The following KANK1 variants were observed in gnomAD, a reference collection of about 807,000 sequenced individuals.
The protein encoded by KANK1 is KN motif and ankyrin repeat domains 1, also known as KN motif and ankyrin repeat domain-containing protein 1.
In KANK1, 109 loss-of-function variants were observed where a neutral mutation model predicts 106.2. The ratio of observed to expected loss-of-function variants is 1.03; its 90% CI spans 0.88 to 1.20. The LOEUF (loss-of-function observed/expected upper bound fraction) is 1.20, where lower values mean the gene tolerates loss of function less well. Ranked by LOEUF, KANK1 falls within the 50% of genes most tolerant of loss-of-function variation. The probability of loss-of-function intolerance (pLI) is 0.00; values close to 1 mark genes in which losing one functional copy is unlikely to be tolerated. For synonymous variants in KANK1, 873 were observed against 652.2 expected (o/e 1.34, Z -5.16); for missense variants, 2,399 against 1,710.7 (o/e 1.40, Z -7.10).
chr9:507,773 G>T (rs960023319), intron 1 of KANK1, among the ~76,000 whole-genome samples: 3 of 152,068 alleles, frequency 2.0e-5, no homozygotes, highest in African/African-American at 7.2e-5. Context: ...GGCCAGGATG[G>T]TCTCAATCTC....
rs1374461484 is a variant in KANK1 at position 587,588 on chromosome 9, T to C, written c.-84+82834T>C. ...AATGTTAAAATTGTACTATATTATT[T>C]TCCAAGTTTTTAGAATATGTGCATG... On this transcript the variant is annotated intron_variant, in intron 1 of 11. Transcript: ENST00000382297. Among the ~76,000 whole-genome samples the C allele has an allele frequency of 2.0e-5, 3 of 152,220 alleles. No individual in the cohort carries two copies. The East Asian group carries it at 5.8e-4, about 29-fold the overall frequency.
chr9:631,910 C>T (rs1264736832), intron 1 of KANK1, among the ~76,000 whole-genome samples: 3 of 152,140 alleles, frequency 2.0e-5, no homozygotes, highest in African/African-American at 7.2e-5. Flanking sequence ...GGTTATCTAC[C>T]GCTGTGGCTC....
At chr9:479,481 A>C (rs543844928) in intron 3 of KANK1, among the ~76,000 whole-genome samples, 24 of 151,926 alleles carry the variant, frequency 1.6e-4, no homozygotes, top group African/African-American at 5.8e-4. Flanking sequence ...GGTCATTTTC[A>C]TTAGCCACAT....
chr9:735,130 G>A (rs749829254), intron 7 of KANK1, among the ~76,000 whole-genome samples: 1 of 152,148 alleles, frequency 6.6e-6, no homozygotes, highest in Non-Finnish European at 1.5e-5. Flanking sequence ...GCAGTCAGTC[G>A]TCATCTTTCT....
chr9:739,415 T>G (rs1168052152), intron 8 of KANK1, among the ~76,000 whole-genome samples: 2 of 152,208 alleles, frequency 1.3e-5, no homozygotes, highest in Non-Finnish European at 2.9e-5. Context: ...TTTTGGGAAC[T>G]TGGAATTGAT....
chr9:505,683 G>C (rs13294486), intron 1 of KANK1, among the ~76,000 whole-genome samples: 2 of 152,332 alleles, frequency 1.3e-5, no homozygotes, highest in East Asian at 3.9e-4. Flanking sequence ...AACAATTTAT[G>C]GCGTCCGCCA....
intron 1 of KANK1, among the ~76,000 whole-genome samples, chr9:635,580 C>T (rs1461830070): frequency 6.6e-6 from 1 of 151,966 alleles, no homozygotes; most frequent in Non-Finnish European, 1.5e-5. Flanking sequence ...AATAGTGTTC[C>T]CTTTTTATTA....
chr9:656,277 G>A (rs1842123656), intron 1 of KANK1, among the ~76,000 whole-genome samples: 1 of 152,208 alleles, frequency 6.6e-6, no homozygotes, highest in African/African-American at 2.4e-5. Flanking sequence ...GAGAGGGAGA[G>A]ACAAGACCTT....
chr9:706,765 G>A, intron 2 of KANK1: 1 of 985,408 alleles, frequency 1.0e-6, no homozygotes. Flanking sequence ...GAACCAGTGA[G>A]TGCTGCCCGG....
intron 11 of KANK1, chr9:744,802 C>G: frequency 2.1e-6 from 3 of 1,449,042 alleles, no homozygotes; most frequent in Non-Finnish European, 2.7e-6. Flanking sequence ...CTTGTCCTTG[C>G]AAGACATATG....
intron 6 of KANK1, 105 bp from the exon 7 acceptor site, chr9:734,643 G>A: frequency 4.1e-6 from 3 of 728,814 alleles, no homozygotes; most frequent in Admixed American, 4.8e-5. Flanking sequence ...TCCAGCCTGG[G>A]CGACAGAGCA....
In KANK1 at chr9:641,871, A is replaced by G. The variant is rs562131151; in HGVS notation, c.-83-35019A>G. Among the ~76,000 whole-genome samples the G allele has an allele frequency of 7.9e-5, 12 of 152,308 alleles. No individual in the cohort carries two copies. In the East Asian group the frequency reaches 1.5e-3, roughly 20 times the overall value. On this transcript the variant is annotated intron_variant, in intron 1 of 11. Transcript: ENST00000382297. ...TCCACCCTTTAAAGTATACGATGCA[A>G]TGGTTTTTAGTAAATTAACATAATC...
In KANK1 at chr9:600,385, G is replaced by A. The variant is rs149859717; in HGVS notation, c.-83-76505G>A. The stretch of plus-strand genomic sequence containing the variant: ...CCAAATTTCATTCCTTTCTAAGGCT[G>A]AATAATATTCCATTGTAGCATCACA... On this transcript the variant is annotated intron_variant, in intron 1 of 11. Transcript: ENST00000382297. 1.0e-3 allele frequency among the ~76,000 whole-genome samples: 153 copies of A among 151,846 alleles called. 1 individual carries two copies. The highest frequency in any genetic ancestry group is 1.8e-3 in the Non-Finnish European group (125 of 68,004).
At chr9:670,717 C>G (rs1381950590) in intron 1 of KANK1, among the ~76,000 whole-genome samples, 4 of 152,162 alleles carry the variant, frequency 2.6e-5, no homozygotes, top group African/African-American at 9.7e-5. Context: ...GTCCGGCTGT[C>G]CACAGGGTGG....
rs2130930975 is a variant in KANK1, at chr9:711,954, A to G, written c.1188A>G (p.Gly396=). 1 of 1,614,144 alleles carries G rather than the reference A, an allele frequency of 6.2e-7. No individual in the cohort carries two copies. Among genetic ancestry groups the G allele is most frequent in the South Asian group, 1.1e-5 (1 of 91,068 alleles). ...CEASSELREN[G]ECRSVAVGAE... is the part of the protein sequence containing the mutation. The stretch of plus-strand genomic sequence containing the variant: ...CCTCCTCAGAGCTCAGGGAGAATGG[A>G]GAGTGCCGGTCTGTGGCTGTGGGTG... The change falls in exon 3 of 12, where the codon GGA becomes GGG. Residue 396 remains glycine, a synonymous_variant. Transcript: ENST00000382297.
intron 1 of KANK1, among the ~76,000 whole-genome samples, chr9:505,127 C>G (rs1204772887): frequency 6.6e-6 from 1 of 152,096 alleles, no homozygotes; most frequent in Admixed American, 6.5e-5. Flanking sequence ...GCCTGGCTAC[C>G]CCGGCCCGGC....
intron 3 of KANK1, among the ~76,000 whole-genome samples, chr9:723,998 G>A (rs934048277): frequency 5.9e-5 from 9 of 151,760 alleles, no homozygotes; most frequent in African/African-American, 1.7e-4. Context: ...AGCTATTTGG[G>A]GGGCTGAGGT....
intron 1 of KANK1, among the ~76,000 whole-genome samples, chr9:599,551 C>T (rs1827190541): frequency 1.3e-5 from 2 of 151,748 alleles, no homozygotes; most frequent in African/African-American, 4.9e-5. Context: ...TAGATTGTGT[C>T]TTTCTCTGCT....
At position 548,460 on chromosome 9, in the gene KANK1, C is replaced by T. The variant is rs928296202; in HGVS notation, c.-84+43706C>T. ...AACTCTCAGCAGCACGTACAGATGC[C>T]CTCACATGCTTTCTGGGATGACTTT... On this transcript the variant is annotated intron_variant, in intron 1 of 11. Transcript: ENST00000382297. 2.6e-5 allele frequency among the ~76,000 whole-genome samples: 4 copies of T among 152,048 alleles called. 1 individual carries two copies. The highest frequency in any genetic ancestry group is 9.7e-5 in the African/African-American group (4 of 41,372).
Sources: allele counts gnomAD v4.1 joint callset (sites outside exome capture counted in the v4.1 genomes callset), GRCh38; gene constraint gnomAD v4.1.1; transcripts MANE v1.5; gene names NCBI Gene and HGNC (gene_info 2026-07-23, HGNC 2026-07-21).